Variants in SOWAHA observed in about 807,000 individuals in gnomAD.
The protein encoded by SOWAHA is ankyrin repeat domain-containing protein SOWAHA.
In SOWAHA, 17 loss-of-function variants were observed where a neutral mutation model predicts 21.1. That is an observed-to-expected ratio of 0.80 (90% CI 0.55 to 1.21). The LOEUF (loss-of-function observed/expected upper bound fraction) is 1.21, where lower values mean the gene tolerates loss of function less well. Ranked by LOEUF, SOWAHA falls within the 50% of genes most tolerant of loss-of-function variation. The pLI, the probability that SOWAHA is intolerant of heterozygous loss-of-function variation, is 0.00. For synonymous variants in SOWAHA, 422 were observed against 397.1 expected (o/e 1.06, Z -0.75); for missense variants, 862 against 816.0 (o/e 1.06, Z -0.69).
Position 132,814,297 on chromosome 5 carries a change from G to T in SOWAHA, c.676G>T (p.Ala226Ser), listed in dbSNP as rs1278465455. The T allele has an allele frequency of 6.7e-7, 1 of 1,493,586 alleles. No homozygotes were observed. Among genetic ancestry groups the T allele is most frequent in the Non-Finnish European group, 8.8e-7 (1 of 1,130,138 alleles). 92.5% of individuals were successfully genotyped at this position (1,493,586 alleles called of 1,614,324 possible). Reference sequence around the variant, plus strand: ...TATGCTGCCGGTGCGCTGCGTCCCGGCCCCCGCCACGCTCCGCCTCCGGGC... The same window carrying T: ...TATGCTGCCGGTGCGCTGCGTCCCGTCCCCCGCCACGCTCCGCCTCCGGGC... ...PCMLPVRCVP[A>S]PATLRLRAEE... Residue 226 changes from alanine to serine, a missense_variant, in exon 1 of 1, where the codon GCC becomes TCC. Physicochemically the swap from Ala to Ser is moderately conservative, Grantham distance 99. Coordinates refer to ENST00000378693, the MANE Select transcript of SOWAHA (RefSeq NM_175873.6).
rs749858170 is a variant in SOWAHA, at chr5:132,814,593, C to G, written c.972C>G (p.Thr324=). 6.0e-5 allele frequency: 90 copies of G among 1,500,742 alleles called. No homozygotes were observed. Among genetic ancestry groups the G allele is most frequent in the Non-Finnish European group, 7.8e-5 (88 of 1,132,246 alleles). 93.0% of individuals were successfully genotyped at this position (1,500,742 alleles called of 1,614,324 possible). The change falls in exon 1 of 1, where the codon ACC becomes ACG. Residue 324 remains threonine (T), a synonymous_variant. Transcript: ENST00000378693. ...TGCGGACTGCCGGGGGCCGCTGGACCCACCAGCTGCACGGGCTGCTGCTGC... is the reference window on the plus strand; with the variant it reads ...TGCGGACTGCCGGGGGCCGCTGGACGCACCAGCTGCACGGGCTGCTGCTGC... ...WLVRTAGGRW[T]HQLHGLLLRD...
At position 132,814,516 on chromosome 5, in the gene SOWAHA, G is replaced by T; in HGVS notation, c.895G>T (p.Ala299Ser). The T allele has an allele frequency of 7.3e-7, 1 of 1,369,294 alleles. No individual in the cohort carries two copies. The highest frequency in any genetic ancestry group is 9.3e-7 in the Non-Finnish European group (1 of 1,072,672). 84.8% of individuals were successfully genotyped at this position (1,369,294 alleles called of 1,614,324 possible). ...CCCTGACGCCGAGGAGTTGCCCGCCGCGCCGCCGCCGTCCGCGGTGCCCCT... is the reference window on the plus strand; with the variant it reads ...CCCTGACGCCGAGGAGTTGCCCGCCTCGCCGCCGCCGTCCGCGGTGCCCCT... Reference protein sequence around the residue: ...LSPDAEELPAAPPPSAVPLEP... With the variant: ...LSPDAEELPASPPPSAVPLEP... The change falls in exon 1 of 1, where the codon GCG becomes TCG. Residue 299 changes from alanine to serine, a missense_variant. Ala to Ser is a moderately conservative substitution (Grantham distance 99). Transcript: ENST00000378693.
In SOWAHA at chr5:132,814,547, C is replaced by A; in HGVS notation, c.926C>A (p.Pro309Gln). ...APPPSAVPLEPSEHEWLVRTA... is the reference protein window; with the variant it reads ...APPPSAVPLEQSEHEWLVRTA... Reference sequence around the variant, plus strand: ...CCGCCGTCCGCGGTGCCCCTGGAGCCGTCCGAGCACGAGTGGCTCGTGCGG... The same window carrying A: ...CCGCCGTCCGCGGTGCCCCTGGAGCAGTCCGAGCACGAGTGGCTCGTGCGG... Residue 309 changes from proline to glutamine, a missense_variant, in exon 1 of 1, where the codon CCG becomes CAG. Transcript: ENST00000378693. 7.1e-7 allele frequency: 1 copy of A among 1,401,624 alleles called. No homozygotes were observed. Among genetic ancestry groups the A allele is most frequent in the Non-Finnish European group, 9.2e-7 (1 of 1,087,908 alleles). 86.8% of individuals were successfully genotyped at this position (1,401,624 alleles called of 1,614,324 possible). A position where few individuals can be genotyped will look rare whatever the true frequency, so the allele number is the denominator to read the frequency against.
chr5:132,814,338 G>A lies in SOWAHA; in HGVS notation c.717G>A (p.Leu239=). The change falls in exon 1 of 1, where the codon CTG becomes CTA. Residue 239 remains leucine, a synonymous_variant. Coordinates refer to ENST00000378693, the MANE Select transcript of SOWAHA (RefSeq NM_175873.6). The part of the protein sequence containing the change: ...TLRLRAEEPG[L]RRQLSEEPSP... The stretch of plus-strand genomic sequence containing the variant: ...GCCTCCGGGCGGAGGAGCCCGGCCT[G>A]CGCCGGCAGCTGTCGGAGGAGCCGA... 2 of 1,483,988 alleles carry A rather than the reference G, an allele frequency of 1.3e-6. No homozygotes were observed. The highest frequency in any genetic ancestry group is 1.8e-6 in the Non-Finnish European group (2 of 1,126,626). The allele number at this position is 1,483,988 out of a possible 1,614,324, so 91.9% of individuals were successfully genotyped here.
Position 132,814,227 on chromosome 5 carries a change from G to A in SOWAHA, c.606G>A (p.Glu202=). Residue 202 remains glutamate, a synonymous_variant, in exon 1 of 1, where the codon GAG becomes GAA. Transcript: ENST00000378693. ...CCTGCTCTGATCCGCCAGACGCGGA[G>A]CCCGGGCCCGGGGCAGCGAAAGGGC... ...ASPCSDPPDA[E]PGPGAAKGPP... 6.4e-7 allele frequency: 1 copy of A among 1,552,428 alleles called. No individual in the cohort carries two copies. Among genetic ancestry groups the A allele is most frequent in the African/African-American group, 1.4e-5 (1 of 71,994 alleles).
chr5:132,813,573 G>C lies in SOWAHA; in HGVS notation c.-49G>C. The C allele has an allele frequency of 8.7e-7, 1 of 1,152,144 alleles. No individual in the cohort carries two copies. Among genetic ancestry groups the C allele is most frequent in the Non-Finnish European group, 1.1e-6 (1 of 932,272 alleles). The allele number at this position is 1,152,144 out of a possible 1,614,324, so 71.4% of individuals were successfully genotyped here. On this transcript the variant is annotated 5_prime_UTR_variant, in exon 1 of 1. Transcript: ENST00000378693. ...GAACCCCGCTCCCGCGCGTCCCGCG[G>C]CGACGCGGCGCCCACCCGCCCCGGG...
In SOWAHA at chr5:132,815,019, G is replaced by A; in HGVS notation, c.1398G>A (p.Gln466=). ...GTCTTGCTGCCAGGCGCCCCGTACA[G>A]GTGGCCGCCACCATCCTCAGTTCCA... The part of the protein sequence containing the change: ...SGSLAARRPV[Q]VAATILSSTT... Residue 466 remains glutamine (Q), a synonymous_variant, in exon 1 of 1, where the codon CAG becomes CAA. Coordinates refer to ENST00000378693, the MANE Select transcript of SOWAHA (RefSeq NM_175873.6). 1 of 1,602,808 alleles carries A rather than the reference G, an allele frequency of 6.2e-7. No homozygotes were observed. Among genetic ancestry groups the A allele is most frequent in the Non-Finnish European group, 8.5e-7 (1 of 1,174,844 alleles).
rs1214264921 is a variant in SOWAHA, at chr5:132,814,020, G to A, written c.399G>A (p.Gly133=). 2 of 1,545,826 alleles carry A rather than the reference G, an allele frequency of 1.3e-6. No individual in the cohort carries two copies. The highest frequency in any genetic ancestry group is 1.8e-4 in the Middle Eastern group (1 of 5,536). ...VRVPRPVEPP[G]DLGLPTEPQD... Reference sequence around the variant, plus strand: ...TGCCGCGGCCAGTGGAGCCGCCAGGGGACCTGGGTCTGCCAACAGAGCCAC... The same window carrying A: ...TGCCGCGGCCAGTGGAGCCGCCAGGAGACCTGGGTCTGCCAACAGAGCCAC... Residue 133 remains glycine (G), a synonymous_variant, in exon 1 of 1, where the codon GGG becomes GGA. Coordinates refer to ENST00000378693, the MANE Select transcript of SOWAHA (RefSeq NM_175873.6).
rs1241261812 is a variant in SOWAHA at position 132,814,965 on chromosome 5, G to A, written c.1344G>A (p.Glu448=). ...LGDPGLRGTT[E]PDATGGGSGS... ...ATCCAGGCCTGCGAGGCACCACGGAGCCAGATGCGACCGGTGGTGGAAGTG... is the reference window on the plus strand; with the variant it reads ...ATCCAGGCCTGCGAGGCACCACGGAACCAGATGCGACCGGTGGTGGAAGTG... The change falls in exon 1 of 1, where the codon GAG becomes GAA. Residue 448 remains glutamate, a synonymous_variant. Coordinates refer to ENST00000378693, the MANE Select transcript of SOWAHA (RefSeq NM_175873.6). The A allele has an allele frequency of 6.3e-7, 1 of 1,585,032 alleles. No homozygotes were observed. The highest frequency in any genetic ancestry group is 8.6e-7 in the Non-Finnish European group (1 of 1,166,366).
rs1295149189 is a variant in SOWAHA at position 132,813,648 on chromosome 5, T to G, written c.27T>G (p.Ala9=). The change falls in exon 1 of 1, where the codon GCT becomes GCG. Residue 9 remains alanine, a synonymous_variant. Transcript: ENST00000378693. MALAAAAA[A]AAAGVSQAAV... is the part of the protein sequence containing the mutation. ...TGGCGCTGGCCGCCGCCGCCGCCGC[T>G]GCGGCTGCCGGGGTGAGCCAGGCGG... is the stretch of plus-strand genomic sequence containing the variant. The G allele has an allele frequency of 7.9e-7, 1 of 1,271,684 alleles. No homozygotes were observed. Among genetic ancestry groups the G allele is most frequent in the South Asian group, 1.8e-5 (1 of 55,016 alleles). 78.8% of individuals were successfully genotyped at this position (1,271,684 alleles called of 1,614,324 possible).
chr5:132,814,783 C>G lies in SOWAHA; in HGVS notation c.1162C>G (p.Pro388Ala), dbSNP rs771529735. 1 of 1,530,294 alleles carries G rather than the reference C, an allele frequency of 6.5e-7. No homozygotes were observed. The allele number at this position is 1,530,294 out of a possible 1,614,324, so 94.8% of individuals were successfully genotyped here. A position where few individuals can be genotyped will look rare whatever the true frequency, so the allele number is the denominator to read the frequency against. Residue 388 changes from proline (P) to alanine (A), a missense_variant, in exon 1 of 1, where the codon CCG becomes GCG. By Grantham distance (27) the Pro-to-Ala change is conservative. Coordinates refer to ENST00000378693, the MANE Select transcript of SOWAHA (RefSeq NM_175873.6). ...CGCACGCTCCCACGGCGGCTACACG[C>G]CGCTGCACCTGGCTGCACTGCACGG... ...VNARSHGGYT[P>A]LHLAALHGHE...
In SOWAHA at chr5:132,814,301, C is replaced by G. The variant is rs757025460; in HGVS notation, c.680C>G (p.Pro227Arg). ...CTGCCGGTGCGCTGCGTCCCGGCCC[C>G]CGCCACGCTCCGCCTCCGGGCGGAG... is the stretch of plus-strand genomic sequence containing the variant. ...CMLPVRCVPA[P>R]ATLRLRAEEP... Residue 227 changes from proline (P) to arginine (R), a missense_variant, in exon 1 of 1, where the codon CCC becomes CGC. Pro to Arg is a moderately radical substitution (Grantham distance 103, BLOSUM62 -2). Coordinates refer to ENST00000378693, the MANE Select transcript of SOWAHA (RefSeq NM_175873.6). 1 of 1,489,842 alleles carries G rather than the reference C, an allele frequency of 6.7e-7. No individual in the cohort carries two copies. Among genetic ancestry groups the G allele is most frequent in the South Asian group, 1.3e-5 (1 of 78,816 alleles). 92.3% of individuals were successfully genotyped at this position (1,489,842 alleles called of 1,614,324 possible).
At position 132,813,996 on chromosome 5, in the gene SOWAHA, G is replaced by A. The variant is rs781209225; in HGVS notation, c.375G>A (p.Val125=). 1.5e-5 allele frequency: 23 copies of A among 1,542,672 alleles called. No homozygotes were observed. The highest frequency in any genetic ancestry group is 2.0e-5 in the Admixed American group (1 of 51,098). ...CGGGAGCTCCGCCCTTGGTCCGGGT[G>A]CCGCGGCCAGTGGAGCCGCCAGGGG... The part of the protein sequence containing the change: ...SAPGAPPLVR[V]PRPVEPPGDL... Residue 125 remains valine (V), a synonymous_variant, in exon 1 of 1, where the codon GTG becomes GTA. Transcript: ENST00000378693.
In SOWAHA at chr5:132,814,187, C is replaced by T. The variant is rs765178120; in HGVS notation, c.566C>T (p.Ser189Phe). Residue 189 changes from serine (S) to phenylalanine (F), a missense_variant, in exon 1 of 1, where the codon TCT becomes TTT. Physicochemically the swap from Ser to Phe is radical, Grantham distance 155 (BLOSUM62 -2). Coordinates refer to ENST00000378693, the MANE Select transcript of SOWAHA (RefSeq NM_175873.6). ...GCGGCCCCACCGCCTAGGGCCCCTT[C>T]TGAGGCGGCATCGCCCTGCTCTGAT... ...ADAAPPPRAP[S>F]EAASPCSDPP... 9.4e-6 allele frequency: 15 copies of T among 1,595,740 alleles called. No homozygotes were observed. The African/African-American group carries it at 1.6e-4, about 17-fold the overall frequency.
In SOWAHA at chr5:132,814,018, G is replaced by C; in HGVS notation, c.397G>C (p.Gly133Arg). The change falls in exon 1 of 1, where the codon GGG (glycine) becomes CGG (arginine). Residue 133 changes from glycine (G) to arginine (R), a missense_variant. Transcript: ENST00000378693. Reference sequence around the variant, plus strand: ...GGTGCCGCGGCCAGTGGAGCCGCCAGGGGACCTGGGTCTGCCAACAGAGCC... The same window carrying C: ...GGTGCCGCGGCCAGTGGAGCCGCCACGGGACCTGGGTCTGCCAACAGAGCC... ...VRVPRPVEPP[G>R]DLGLPTEPQD... 1 of 1,545,230 alleles carries C rather than the reference G, an allele frequency of 6.5e-7. No homozygotes were observed. Among genetic ancestry groups the C allele is most frequent in the Non-Finnish European group, 8.7e-7 (1 of 1,148,898 alleles).
Position 132,813,458 on chromosome 5 carries a change from C to A in SOWAHA, c.-164C>A, listed in dbSNP as rs534059895. On this transcript the variant is annotated 5_prime_UTR_variant, in exon 1 of 1. Transcript: ENST00000378693. Reference sequence around the variant, plus strand: ...CCCTTCGCCCCGAGACGCCCCGGCCCAGCGGCACTGGCGCGACCGAGGTCC... The same window carrying A: ...CCCTTCGCCCCGAGACGCCCCGGCCAAGCGGCACTGGCGCGACCGAGGTCC... The A allele has an allele frequency of 1.5e-4, 48 of 319,752 alleles. No homozygotes were observed. The highest frequency in any genetic ancestry group is 1.4e-3 in the Middle Eastern group (1 of 696). 19.8% of individuals were successfully genotyped at this position (319,752 alleles called of 1,614,324 possible).
chr5:132,813,841 G>A lies in SOWAHA; in HGVS notation c.220G>A (p.Val74Ile), dbSNP rs886293972. 6 of 1,549,222 alleles carry A rather than the reference G, an allele frequency of 3.9e-6. No homozygotes were observed. Among genetic ancestry groups the A allele is most frequent in the Non-Finnish European group, 5.2e-6 (6 of 1,146,304 alleles). Residue 74 changes from valine to isoleucine, a missense_variant, in exon 1 of 1, where the codon GTC (valine) becomes ATC (isoleucine). Transcript: ENST00000378693. Reference protein sequence around the residue: ...NVAVVKELDGVKFVVLRKKPR... With the variant: ...NVAVVKELDGIKFVVLRKKPR... ...GGCGGTGGTGAAGGAGCTCGACGGC[G>A]TCAAGTTCGTGGTGCTGAGGAAGAA...
chr5:132,815,612 A>G lies in SOWAHA; in HGVS notation c.*341A>G, dbSNP rs921970812. ...TCACCTGATGCCTCTGCAGCTACAC[A>G]ATCCCAAGACAGAGCTAGAGCAAGG... On this transcript the variant is annotated 3_prime_UTR_variant, in exon 1 of 1. Coordinates refer to ENST00000378693, the MANE Select transcript of SOWAHA (RefSeq NM_175873.6). 7 of 235,004 alleles carry G rather than the reference A, an allele frequency of 3.0e-5. No individual in the cohort carries two copies. The highest frequency in any genetic ancestry group is 5.4e-5 in the Non-Finnish European group (6 of 111,220). The allele number at this position is 235,004 out of a possible 1,614,324, so 14.6% of individuals were successfully genotyped here. A position where few individuals can be genotyped will look rare whatever the true frequency, so the allele number is the denominator to read the frequency against.
Position 132,815,548 on chromosome 5 carries a change from A to G in SOWAHA, c.*277A>G, listed in dbSNP as rs777569934. 9 of 339,054 alleles carry G rather than the reference A, an allele frequency of 2.7e-5. No individual in the cohort carries two copies. Among genetic ancestry groups the G allele is most frequent in the Admixed American group, 4.4e-5 (1 of 22,876 alleles). 21.0% of individuals were successfully genotyped at this position (339,054 alleles called of 1,614,324 possible). Reference sequence around the variant, plus strand: ...GAGGGAACTTGAAATCCAGGGTCAAAGGTTAAGGGGCAGCAGCTGGTCTGG... The same window carrying G: ...GAGGGAACTTGAAATCCAGGGTCAAGGGTTAAGGGGCAGCAGCTGGTCTGG... On this transcript the variant is annotated 3_prime_UTR_variant, in exon 1 of 1. Coordinates refer to ENST00000378693, the MANE Select transcript of SOWAHA (RefSeq NM_175873.6).
Sources: allele counts gnomAD v4.1 joint callset, GRCh38; gene constraint gnomAD v4.1.1; transcripts MANE v1.5; gene names NCBI Gene and HGNC (gene_info 2026-07-23, HGNC 2026-07-21).